Variants in LHFPL2 observed in about 807,000 individuals in gnomAD.
LHFPL2 encodes the protein LHFPL tetraspan subfamily member 2.
A neutral mutation model predicts 17.5 loss-of-function variants in LHFPL2; 7 were observed. That is an observed-to-expected ratio of 0.40 (90% CI 0.23 to 0.75). The LOEUF is 0.75. Ranked by LOEUF, LHFPL2 falls within the 30% of genes least tolerant of loss-of-function variation. The pLI is 0.37. For missense variants in LHFPL2, 241 were observed against 294.8 expected (o/e 0.82, Z 1.34); for synonymous variants, 134 against 116.2 (o/e 1.15, Z -0.99).
Position 78,486,026 on chromosome 5 carries a change from A to AAAC in LHFPL2, c.*2868_*2870dup, listed in dbSNP as rs1419267571. ...GTCCAGTTTCCAAAACAAAACAACA[A>AAAC]AACATACATACACCTTTGTTATTGC... On this transcript the variant is annotated 3_prime_UTR_variant, in exon 5 of 5. Coordinates refer to ENST00000380345, the MANE Select transcript of LHFPL2 (RefSeq NM_005779.3). 1 of 152,604 alleles carries AAAC rather than the reference A, an allele frequency of 6.6e-6. No homozygotes were observed. Among genetic ancestry groups the AAAC allele is most frequent in the Non-Finnish European group, 1.5e-5 (1 of 68,026 alleles). The allele number at this position is 152,604 out of a possible 1,614,324, so 9.5% of individuals were successfully genotyped here.
At chr5:78,556,601 G>A (rs796788876) in intron 3 of LHFPL2, among the ~76,000 whole-genome samples, 52 of 152,046 alleles carry the variant, frequency 3.4e-4, no homozygotes, top group African/African-American at 1.2e-3. Flanking sequence ...ATATTTAATG[G>A]TTTAAAAAAA....
chr5:78,646,288 A>C (rs1209579047), intron 1 of LHFPL2, among the ~76,000 whole-genome samples: 1 of 152,092 alleles, frequency 6.6e-6, no homozygotes, highest in Non-Finnish European at 1.5e-5. Context: ...ATGGGTCCAG[A>C]CTCAACTCAG....
Position 78,509,864 on chromosome 5 carries a change from A to C in LHFPL2, c.350T>G (p.Val117Gly). The C allele has an allele frequency of 6.2e-7, 1 of 1,614,014 alleles. No individual in the cohort carries two copies. The highest frequency in any genetic ancestry group is 8.5e-7 in the Non-Finnish European group (1 of 1,180,044). The change falls in exon 4 of 5, where the codon GTG becomes GGG. Residue 117 changes from valine to glycine, a missense_variant. Transcript: ENST00000380345. ...GIFILCMVAL[V>G]SVFTMCVQSI... ...CTGTACACACATGGTGAAGACGGAC[A>C]CCAAGGCCACCATGCAGAGAATAAA...
chr5:78,580,309 G>A (rs1007428621), intron 2 of LHFPL2, among the ~76,000 whole-genome samples: 2 of 152,178 alleles, frequency 1.3e-5, no homozygotes, highest in Non-Finnish European at 2.9e-5. Context: ...TGTTCACACT[G>A]ATGGTAATTT....
chr5:78,529,700 C>G (rs1210219035), intron 3 of LHFPL2, among the ~76,000 whole-genome samples: 1 of 151,804 alleles, frequency 6.6e-6, no homozygotes, highest in Non-Finnish European at 1.5e-5. Flanking sequence ...CATGACGAGA[C>G]AGATGAAAGA....
At position 78,563,044 on chromosome 5, in the gene LHFPL2, C is replaced by T. The variant is rs746230652; in HGVS notation, c.-186+1769G>A. On this transcript the variant is annotated intron_variant, in intron 3 of 4. Transcript: ENST00000380345. Reference sequence around the variant, plus strand: ...AATAACAGGTAAAATGAAAATCGCTCCTGCTTCCACTCAGGCAGACAGTGC... The same window carrying T: ...AATAACAGGTAAAATGAAAATCGCTTCTGCTTCCACTCAGGCAGACAGTGC... 4.6e-4 allele frequency among the ~76,000 whole-genome samples: 70 copies of T among 152,322 alleles called. 1 individual carries two copies. The highest frequency in any genetic ancestry group is 3.4e-3 in the Middle Eastern group (1 of 294).
At chr5:78,533,420 G>C (rs911676122) in intron 3 of LHFPL2, among the ~76,000 whole-genome samples, 1 of 152,258 alleles carries the variant, frequency 6.6e-6, no homozygotes, top group East Asian at 1.9e-4. Flanking sequence ...GAGAAGAAAT[G>C]GTAATAAACA....
rs1018920614 is a variant in LHFPL2 at position 78,488,828 on chromosome 5, T to C, written c.*69A>G. On this transcript the variant is annotated 3_prime_UTR_variant, in exon 5 of 5. Transcript: ENST00000380345. ...GGTAAAGGTTAGTTCTCCACTTGAC[T>C]CAAATGATGAAACTGTGGACTGTTT... The C allele has an allele frequency of 1.3e-6, 2 of 1,563,342 alleles. No homozygotes were observed. The highest frequency in any genetic ancestry group is 2.3e-5 in the South Asian group (2 of 86,948).
At chr5:78,622,931 G>A (rs1263762656) in intron 2 of LHFPL2, among the ~76,000 whole-genome samples, 3 of 152,170 alleles carry the variant, frequency 2.0e-5, no homozygotes, top group Admixed American at 1.3e-4. Flanking sequence ...TGTAAAGAAG[G>A]GGGATGAAAC....
intron 2 of LHFPL2, among the ~76,000 whole-genome samples, chr5:78,621,212 C>G (rs1744841879): frequency 2.0e-5 from 3 of 152,168 alleles, no homozygotes; most frequent in African/African-American, 7.2e-5. Context: ...CCCAAATGCT[C>G]TGGTCCTCCG....
At chr5:78,577,615 C>G (rs1249033000) in intron 2 of LHFPL2, among the ~76,000 whole-genome samples, 1 of 152,154 alleles carries the variant, frequency 6.6e-6, no homozygotes, top group Non-Finnish European at 1.5e-5. Flanking sequence ...ATACTGCACT[C>G]TCCCCAAGCT....
intron 2 of LHFPL2, among the ~76,000 whole-genome samples, chr5:78,631,197 T>G (rs1398394846): frequency 6.6e-6 from 1 of 152,258 alleles, no homozygotes; most frequent in Non-Finnish European, 1.5e-5. Flanking sequence ...GAAAGTCTAC[T>G]GTTTGTTCCC....
intron 3 of LHFPL2, among the ~76,000 whole-genome samples, chr5:78,516,405 G>C (rs1256748108): frequency 1.3e-5 from 2 of 152,126 alleles, no homozygotes; most frequent in South Asian, 2.1e-4. Context: ...CAACTTTGCA[G>C]GGGACGTTTG....
intron 2 of LHFPL2, among the ~76,000 whole-genome samples, chr5:78,601,112 AG>A (rs1437810578): frequency 6.6e-6 from 1 of 152,242 alleles, no homozygotes; most frequent in Non-Finnish European, 1.5e-5. Flanking sequence ...AACAACAGGC[AG>A]GGAAGCCTCA....
intron 3 of LHFPL2, among the ~76,000 whole-genome samples, chr5:78,564,201 C>G (rs1561341198): frequency 6.6e-6 from 1 of 152,072 alleles, no homozygotes; most frequent in Admixed American, 6.6e-5. Flanking sequence ...GGATCAAAGT[C>G]TTTTGGGACA....
At chr5:78,554,089 C>G (rs182174499) in intron 3 of LHFPL2, among the ~76,000 whole-genome samples, 39 of 152,374 alleles carry the variant, frequency 2.6e-4, no homozygotes, top group Admixed American at 2.3e-3. Flanking sequence ...GTACATTCCA[C>G]TGGAAATCTC....
chr5:78,589,419 G>A (rs1392647513), intron 2 of LHFPL2, among the ~76,000 whole-genome samples: 2 of 148,228 alleles, frequency 1.3e-5, no homozygotes, highest in African/African-American at 2.5e-5. Flanking sequence ...GCAATGAGCC[G>A]AGATCGCACC....
chr5:78,536,487 T>A (rs1250092922), intron 3 of LHFPL2, among the ~76,000 whole-genome samples: 1 of 152,216 alleles, frequency 6.6e-6, no homozygotes, highest in Non-Finnish European at 1.5e-5. Flanking sequence ...AACTCTGGCC[T>A]CTCAGGGAAT....
chr5:78,629,972 C>G (rs59293475), intron 2 of LHFPL2, among the ~76,000 whole-genome samples: 3,421 of 152,298 alleles, frequency 0.022, 124 homozygotes, highest in African/African-American at 0.079. Context: ...AAGTCCAAAA[C>G]ACGTATGACA....
Sources: allele counts gnomAD v4.1 joint callset (sites outside exome capture counted in the v4.1 genomes callset), GRCh38; gene constraint gnomAD v4.1.1; transcripts MANE v1.5; gene names NCBI Gene and HGNC (gene_info 2026-07-23, HGNC 2026-07-21).